Variants in MIB1 observed in about 807,000 individuals in gnomAD.
MIB1 encodes the protein MIB E3 ubiquitin protein ligase 1, also known as E3 ubiquitin-protein ligase MIB1.
In MIB1, 278 loss-of-function variants were observed where a neutral mutation model predicts 124.5. The ratio of observed to expected loss-of-function variants is 2.23; its 90% CI spans 2.02 to 2.47. MIB1 has a LOEUF of 2.47. Ranked by LOEUF, MIB1 falls within the 30% of genes most tolerant of loss-of-function variation. MIB1 has a pLI of 0.00. For missense variants in MIB1, 957 were observed against 1,254.4 expected, an observed-to-expected ratio of 0.76 and a Z score of 3.58; for synonymous variants, 446 against 429.4, an observed-to-expected ratio of 1.04 and a Z score of -0.48.
chr18:21,761,474 A>G (rs913703171), intron 1 of MIB1, among the ~76,000 whole-genome samples: 3 of 152,148 alleles, frequency 2.0e-5, no homozygotes, highest in African/African-American at 7.2e-5. Flanking sequence ...TGGAAGACCA[A>G]ATGTATATTT....
upstream of MIB1, among the ~76,000 whole-genome samples, chr18:21,738,169 A>T (rs868333121): frequency 6.6e-6 from 1 of 152,236 alleles, no homozygotes; most frequent in Non-Finnish European, 1.5e-5. Flanking sequence ...GTTATTCTGC[A>T]TAATTGGAAG....
intron 1 of MIB1, among the ~76,000 whole-genome samples, chr18:21,731,512 T>A (rs2040769786): frequency 6.6e-6 from 1 of 151,972 alleles, no homozygotes; most frequent in African/African-American, 2.4e-5. Flanking sequence ...GGCGGGTGGA[T>A]CACGAGGTCA....
At chr18:21,838,522 CT>C in intron 13 of MIB1, 25 bp downstream of exon 13, 1 of 1,539,734 alleles carries the variant, frequency 6.5e-7, no homozygotes, top group Non-Finnish European at 8.7e-7. Context: ...AAATAATTCC[CT>C]CTTTTTTATT....
At chr18:21,848,225 C>A (rs181934246) in intron 16 of MIB1, among the ~76,000 whole-genome samples, 1 of 152,000 alleles carries the variant, frequency 6.6e-6, no homozygotes, top group Non-Finnish European at 1.5e-5. Context: ...TTTGGGAGGC[C>A]GAGGCAGGTG....
In MIB1 at chr18:21,847,093, A is replaced by G; in HGVS notation, c.2361A>G (p.Lys787=). Residue 787 remains lysine, a synonymous_variant, in exon 16 of 21, where the codon AAA becomes AAG. Transcript: ENST00000261537. The part of the protein sequence containing the change: ...LDLCPDPNLC[K]ALAKCHKEKV... ...TCTGTCCTGATCCGAATCTCTGCAA[A>G]GCACTGGCAAAGTGTCATAAGGAAA... The G allele has an allele frequency of 6.2e-7, 1 of 1,614,174 alleles. No homozygotes were observed. Among genetic ancestry groups the G allele is most frequent in the African/African-American group, 1.3e-5 (1 of 75,064 alleles).
intron 6 of MIB1, among the ~76,000 whole-genome samples, 156 bp downstream of exon 6, chr18:21,779,841 G>A (rs2041337828): frequency 6.6e-6 from 1 of 150,442 alleles, no homozygotes; most frequent in Non-Finnish European, 1.5e-5. Flanking sequence ...AAGGTGGAGA[G>A]AAACAAATGA....
chr18:21,780,090 G>A (rs543682517), intron 6 of MIB1, among the ~76,000 whole-genome samples: 1 of 152,196 alleles, frequency 6.6e-6, no homozygotes, highest in African/African-American at 2.4e-5. Flanking sequence ...CATATCTCCA[G>A]GGTCATCTCT....
In MIB1 at chr18:21,849,313, T is replaced by C. The variant is rs146979518; in HGVS notation, c.2511T>C (p.Ile837=). 24 of 1,613,350 alleles carry C rather than the reference T, an allele frequency of 1.5e-5. No homozygotes were observed. In the African/African-American group the frequency reaches 3.2e-4, roughly 22 times the overall value. ...CTCTTTTTGGTCCATGTGGACATAT[T>C]GCTACCTGTTCTTTATGTTCTCCAC... ...RDTLFGPCGH[I]ATCSLCSPRV... is the part of the protein sequence containing the mutation. The change falls in exon 17 of 21, where the codon ATT becomes ATC. Residue 837 remains isoleucine, a synonymous_variant. Transcript: ENST00000261537.
In MIB1 at chr18:21,815,612, T is replaced by G; in HGVS notation, c.1480-4T>G. On this transcript the variant is annotated splice_region_variant and splice_polypyrimidine_tract_variant and intron_variant, in intron 10 of 20. Coordinates refer to ENST00000261537, the MANE Select transcript of MIB1 (RefSeq NM_020774.4). ...CTAATTCACATTTCAATACTAATGA[T>G]TAGGATAAAGATGGTGATAGAGCAG... The G allele has an allele frequency of 6.2e-7, 1 of 1,611,854 alleles. No individual in the cohort carries two copies. The highest frequency in any genetic ancestry group is 8.5e-7 in the Non-Finnish European group (1 of 1,178,484).
intron 3 of MIB1, among the ~76,000 whole-genome samples, chr18:21,769,872 T>A (rs1309974836): frequency 6.6e-6 from 1 of 152,202 alleles, no homozygotes; most frequent in African/African-American, 2.4e-5. Context: ...TCTGTTACAT[T>A]TTTGGTTTGC....
intron 1 of MIB1, among the ~76,000 whole-genome samples, chr18:21,753,756 A>C (rs2041001355): frequency 6.6e-6 from 1 of 151,872 alleles, no homozygotes; most frequent in Admixed American, 6.6e-5. Flanking sequence ...AGCCCACTGC[A>C]ACCTCTGCCT....
intron 10 of MIB1, among the ~76,000 whole-genome samples, chr18:21,810,270 A>G (rs1311954318): frequency 6.6e-6 from 1 of 152,136 alleles, no homozygotes; most frequent in East Asian, 1.9e-4. Flanking sequence ...ACTACTTCCC[A>G]TGTTCATGGA....
intron 1 of MIB1, among the ~76,000 whole-genome samples, chr18:21,745,366 G>A (rs1400699851): frequency 6.6e-6 from 1 of 152,154 alleles, no homozygotes; most frequent in Non-Finnish European, 1.5e-5. Context: ...AGGCATCCCT[G>A]GCCTCTACCC....
At position 21,815,617 on chromosome 18, in the gene MIB1, A is replaced by G; in HGVS notation, c.1481A>G (p.Asp494Gly). Reference sequence around the variant, plus strand: ...TCACATTTCAATACTAATGATTAGGATAAAGATGGTGATAGAGCAGTTCAC... The same window carrying G: ...TCACATTTCAATACTAATGATTAGGGTAAAGATGGTGATAGAGCAGTTCAC... Reference protein sequence around the residue: ...LKQNVDVEAEDKDGDRAVHHA... With the variant: ...LKQNVDVEAEGKDGDRAVHHA... The change falls in exon 11 of 21, where the codon GAT becomes GGT. Residue 494 changes from aspartate (D) to glycine (G), a missense_variant and splice_region_variant. Physicochemically the swap from Asp to Gly is moderately conservative, Grantham distance 94. Transcript: ENST00000261537. 6.2e-7 allele frequency: 1 copy of G among 1,613,512 alleles called. No individual in the cohort carries two copies. Among genetic ancestry groups the G allele is most frequent in the Non-Finnish European group, 8.5e-7 (1 of 1,179,498 alleles).
intron 10 of MIB1, among the ~76,000 whole-genome samples, chr18:21,813,526 C>T (rs1412621921): frequency 3.3e-5 from 5 of 151,954 alleles, no homozygotes; most frequent in East Asian, 3.9e-4. Context: ...AAAATTGATA[C>T]GTAACAAAAA....
intron 15 of MIB1, among the ~76,000 whole-genome samples, chr18:21,844,946 C>T (rs188297408): frequency 8.0e-4 from 122 of 151,820 alleles, no homozygotes; most frequent in Admixed American, 1.3e-3. Flanking sequence ...TTTATGTAAT[C>T]GGAATACAAG....
intron 1 of MIB1, among the ~76,000 whole-genome samples, chr18:21,720,445 C>T (rs2040709161): frequency 6.6e-6 from 1 of 151,718 alleles, no homozygotes. Flanking sequence ...ATGGAAAATT[C>T]TATAGGTCAA....
chr18:21,825,942 C>T (rs1009203738), intron 12 of MIB1: 14 of 322,748 alleles, frequency 4.3e-5, no homozygotes, highest in African/African-American at 2.0e-4. Flanking sequence ...TGTTTTCCTG[C>T]GCTTAATGGT....
intron 1 of MIB1, among the ~76,000 whole-genome samples, chr18:21,753,683 CG>C (rs1467735126): frequency 6.6e-6 from 1 of 151,050 alleles, no homozygotes; most frequent in Non-Finnish European, 1.5e-5. Flanking sequence ...TTCTTTCTTT[CG>C]TTTTTTTTTG....
Sources: gnomAD v4.1 joint callset for allele counts (sites outside exome capture counted in the v4.1 genomes callset) on GRCh38, gnomAD v4.1.1 for gene constraint, MANE v1.5 for transcripts, NCBI Gene and HGNC (gene_info 2026-07-23, HGNC 2026-07-21) for gene names.